SDK1: variants seen among roughly 807,000 people sequenced by gnomAD.
The protein encoded by SDK1 is sidekick cell adhesion molecule 1, also known as protein sidekick-1.
In SDK1, 157 loss-of-function variants were observed where a neutral mutation model predicts 245.5. The observed-to-expected ratio is 0.64, with a 90% CI of 0.56 to 0.73. The LOEUF is 0.73. SDK1 is among the 30% of genes least tolerant of loss of function. The pLI, the probability that SDK1 is intolerant of heterozygous loss-of-function variation, is 0.00. For missense variants in SDK1, 3,583 were observed against 3,002.3 expected, an observed-to-expected ratio of 1.19 and a Z score of -4.52; for synonymous variants, 1,647 against 1,278.5, an observed-to-expected ratio of 1.29 and a Z score of -6.15.
intron 5 of SDK1, among the ~76,000 whole-genome samples, chr7:3,901,144 A>G (rs908191672): frequency 2.0e-5 from 3 of 151,742 alleles, no homozygotes; most frequent in Non-Finnish European, 4.4e-5. Context: ...AATTTGGCTG[A>G]CTGTGTATTC....
At position 4,266,113 on chromosome 7, in the gene SDK1, T is replaced by G. The variant is rs533721123; in HGVS notation, c.*729T>G. ...CCTGACAGCGAGGGAGAGGGAAGCC[T>G]CTTAGGGCTGGAAGCCACCACGCTG... On this transcript the variant is annotated 3_prime_UTR_variant, in exon 45 of 45. Coordinates refer to ENST00000404826, the MANE Select transcript of SDK1 (RefSeq NM_152744.4). The G allele has an allele frequency of 1.0e-6, 1 of 985,348 alleles. No individual in the cohort carries two copies. Among genetic ancestry groups the G allele is most frequent in the Non-Finnish European group, 1.2e-6 (1 of 829,980 alleles). 61.0% of individuals were successfully genotyped at this position (985,348 alleles called of 1,614,324 possible).
intron 1 of SDK1, among the ~76,000 whole-genome samples, chr7:3,371,554 C>T (rs918648750): frequency 4.6e-5 from 7 of 152,020 alleles, no homozygotes; most frequent in East Asian, 1.9e-4. Context: ...AAAAGCTGAT[C>T]GAAATAAAAG....
intron 13 of SDK1, among the ~76,000 whole-genome samples, chr7:3,982,795 G>A (rs568838654): frequency 2.0e-5 from 3 of 151,712 alleles, no homozygotes; most frequent in Admixed American, 6.6e-5. Context: ...AGCTGAGATC[G>A]TGCCACTGCA....
At chr7:3,740,393 G>C (rs1779444996) in intron 4 of SDK1, among the ~76,000 whole-genome samples, 1 of 152,108 alleles carries the variant, frequency 6.6e-6, no homozygotes, top group African/African-American at 2.4e-5. Context: ...TTGGTCTGTT[G>C]CTTGTTAGCC....
intron 1 of SDK1, among the ~76,000 whole-genome samples, chr7:3,371,383 A>G (rs1419887649): frequency 6.6e-6 from 1 of 152,176 alleles, no homozygotes; most frequent in Non-Finnish European, 1.5e-5. Context: ...AATGACTTGG[A>G]GGACAGTGTC....
At chr7:3,947,194 G>A (rs1359608113) in intron 5 of SDK1, among the ~76,000 whole-genome samples, 3 of 151,994 alleles carry the variant, frequency 2.0e-5, no homozygotes, top group Non-Finnish European at 2.9e-5. Flanking sequence ...TTTATTTCTT[G>A]TAAACTGGAA....
intron 1 of SDK1, among the ~76,000 whole-genome samples, chr7:3,555,007 C>T (rs998809181): frequency 1.1e-4 from 17 of 152,146 alleles, no homozygotes; most frequent in African/African-American, 3.9e-4. Flanking sequence ...GTCCATATTA[C>T]CCAGGGCAAT....
intron 1 of SDK1, among the ~76,000 whole-genome samples, chr7:3,539,129 T>C (rs1778980541): frequency 6.6e-6 from 1 of 152,192 alleles, no homozygotes; most frequent in African/African-American, 2.4e-5. Context: ...TCTTTCCTCA[T>C]GCCACCTGTT....
chr7:3,897,713 A>G (rs1326402162), intron 5 of SDK1, among the ~76,000 whole-genome samples: 3 of 151,394 alleles, frequency 2.0e-5, no homozygotes, highest in African/African-American at 7.3e-5. Flanking sequence ...AATGATAGTC[A>G]TCTCACCATG....
rs1242108806 is a variant in SDK1, at chr7:4,154,249, C to T, written c.4626-4199C>T. On this transcript the variant is annotated intron_variant, in intron 30 of 44. Coordinates refer to ENST00000404826, the MANE Select transcript of SDK1 (RefSeq NM_152744.4). ...ATGTGATTAGCCGTCCGAGGCAGTACGAGTACAAACTGGCTTTCTAAATAT... is the reference window on the plus strand; with the variant it reads ...ATGTGATTAGCCGTCCGAGGCAGTATGAGTACAAACTGGCTTTCTAAATAT... 7.2e-5 allele frequency among the ~76,000 whole-genome samples: 11 copies of T among 152,202 alleles called. 1 individual carries two copies. The highest frequency in any genetic ancestry group is 2.6e-4 in the Admixed American group (4 of 15,286).
At chr7:3,507,641 G>C (rs2128610355) in intron 1 of SDK1, among the ~76,000 whole-genome samples, 1 of 152,086 alleles carries the variant, frequency 6.6e-6, no homozygotes, top group East Asian at 1.9e-4. Flanking sequence ...GTACTCTCAT[G>C]TCCACAACAA....
chr7:4,139,408 T>C (rs540827686), intron 28 of SDK1, among the ~76,000 whole-genome samples: 2 of 146,280 alleles, frequency 1.4e-5, no homozygotes, highest in African/African-American at 5.1e-5. Flanking sequence ...TATGTGTGTG[T>C]GTATATGTGT....
intron 1 of SDK1, among the ~76,000 whole-genome samples, chr7:3,351,496 T>C (rs978087157): frequency 1.3e-5 from 2 of 152,128 alleles, no homozygotes; most frequent in African/African-American, 4.8e-5. Context: ...AGGATTCTGC[T>C]AAAAGACACG....
chr7:4,178,430 A>G, intron 34 of SDK1, 55 bp from the exon 35 acceptor site: 1 of 1,320,588 alleles, frequency 7.6e-7, no homozygotes, highest in Non-Finnish European at 1.1e-6. Flanking sequence ...GGAACTTTGG[A>G]GAAAGAGAAG....
chr7:4,012,039 G>A (rs938723899), intron 15 of SDK1, 56 bp from the exon 16 acceptor site: 9 of 1,335,052 alleles, frequency 6.7e-6, no homozygotes, highest in Middle Eastern at 2.0e-4. Context: ...ATGCAAATGG[G>A]CCCCCGCTGT....
chr7:3,778,339 C>G (rs960387399), intron 4 of SDK1, among the ~76,000 whole-genome samples: 2 of 152,176 alleles, frequency 1.3e-5, no homozygotes, highest in African/African-American at 4.8e-5. Flanking sequence ...AGAAAATGCC[C>G]TCATGGCTTA....
intron 1 of SDK1, among the ~76,000 whole-genome samples, chr7:3,565,428 A>G (rs1169266579): frequency 6.6e-6 from 1 of 152,206 alleles, no homozygotes; most frequent in African/African-American, 2.4e-5. Context: ...TAGCGTTTTC[A>G]TTTTATGTCC....
At chr7:3,433,791 C>G (rs947821142) in intron 1 of SDK1, among the ~76,000 whole-genome samples, 1 of 151,254 alleles carries the variant, frequency 6.6e-6, no homozygotes, top group African/African-American at 2.5e-5. Flanking sequence ...ACGTTCTCAT[C>G]TTGAACATGG....
At chr7:3,586,939 G>A (rs114407930) in intron 1 of SDK1, among the ~76,000 whole-genome samples, 14 of 152,178 alleles carry the variant, frequency 9.2e-5, no homozygotes, top group Admixed American at 3.3e-4. Context: ...TTTGGTAAGC[G>A]TTGAGAGTGC....
Sources: gnomAD v4.1 joint callset for allele counts (sites outside exome capture counted in the v4.1 genomes callset) on GRCh38, gnomAD v4.1.1 for gene constraint, MANE v1.5 for transcripts, NCBI Gene and HGNC (gene_info 2026-07-23, HGNC 2026-07-21) for gene names.